Variants in MYH11 observed in about 807,000 individuals in gnomAD.
The protein encoded by MYH11 is myosin-11.
Under a neutral mutation model 246.6 loss-of-function variants are expected in MYH11, and 80 were observed. The observed-to-expected ratio is 0.32, with a 90% confidence interval of 0.27 to 0.39. MYH11 has a LOEUF of 0.39. Ranked by LOEUF, MYH11 falls within the 10% of genes least tolerant of loss-of-function variation. MYH11 has a pLI of 1.00. For missense variants in MYH11, 2,158 were observed against 2,546.8 expected (o/e 0.85, Z 3.29); for synonymous variants, 1,071 against 1,015.5 (o/e 1.05, Z -1.04).
At chr16:15,759,200 T>C (rs2041808192) in intron 12 of MYH11, among the ~76,000 whole-genome samples, 2 of 148,710 alleles carry the variant, frequency 1.3e-5, no homozygotes, top group Non-Finnish European at 1.5e-5. Context: ...TATGTGCTTT[T>C]TTTTTTTTTT....
At position 15,727,712 on chromosome 16, in the gene MYH11, A is replaced by G. The variant is rs573367762; in HGVS notation, c.3652-658T>C. On this transcript the variant is annotated intron_variant, in intron 27 of 40. Coordinates refer to ENST00000300036, the MANE Select transcript of MYH11 (RefSeq NM_002474.3). ...TTGAAGGCATGCCATGGCAGCTCAT[A>G]CTTGTCATCCCCAGCACTTTGGGAA... Among the ~76,000 whole-genome samples the G allele has an allele frequency of 2.6e-5, 4 of 152,286 alleles. No homozygotes were observed. The South Asian group carries it at 8.3e-4, about 32-fold the overall frequency.
chr16:15,753,317 G>T, intron 15 of MYH11, 77 bp downstream of exon 15: 2 of 1,290,324 alleles, frequency 1.5e-6, no homozygotes, highest in African/African-American at 1.5e-5. Flanking sequence ...CCTGGGGCAG[G>T]TGTGAGAGTC....
intron 31 of MYH11, among the ~76,000 whole-genome samples, chr16:15,723,660 A>G (rs757557829): frequency 4.6e-5 from 7 of 152,142 alleles, no homozygotes; most frequent in Non-Finnish European, 8.8e-5. Context: ...TAAGTATCTG[A>G]TAAAGTTCAT....
At chr16:15,714,621 G>A (rs1596694369) in intron 40 of MYH11, 2 of 555,558 alleles carry the variant, frequency 3.6e-6, no homozygotes, top group East Asian at 6.2e-5. Context: ...GGCTGGAGGA[G>A]ACAGTGGGGA....
At chr16:15,846,748 G>A (rs1158371289) in intron 1 of MYH11, among the ~76,000 whole-genome samples, 1 of 152,188 alleles carries the variant, frequency 6.6e-6, no homozygotes, top group Non-Finnish European at 1.5e-5. Context: ...GAGCCCAGGA[G>A]GCTGAGACCG....
rs114552152 is a variant in MYH11 at position 15,814,872 on chromosome 16, G to A, written c.502+8383C>T. Among the ~76,000 whole-genome samples, 1,078 of 152,190 alleles carry A rather than the reference G, an allele frequency of 7.1e-3. 17 individuals are homozygous for A. Among genetic ancestry groups the A allele is most frequent in the African/African-American group, 0.022 (896 of 41,542 alleles). ...GGTGAGGGTTAAACAGAGGGTCTCC[G>A]TCCTGGGGGGACACCAGGAACCATA... On this transcript the variant is annotated intron_variant, in intron 3 of 40. Transcript: ENST00000300036.
intron 23 of MYH11, among the ~76,000 whole-genome samples, chr16:15,739,635 C>T (rs765861971): frequency 2.6e-5 from 4 of 152,180 alleles, no homozygotes; most frequent in Non-Finnish European, 5.9e-5. Flanking sequence ...CGGTGACCAG[C>T]TTGTCCTGGT....
chr16:15,780,782 G>T (rs2042335129), intron 6 of MYH11, among the ~76,000 whole-genome samples: 1 of 151,930 alleles, frequency 6.6e-6, no homozygotes, highest in Non-Finnish European at 1.5e-5. Context: ...TCTGTGCCTG[G>T]TCTAGATTTT....
Position 15,740,113 on chromosome 16 carries a change from T to C in MYH11, c.2935A>G (p.Lys979Glu). 6.2e-7 allele frequency: 1 copy of C among 1,614,256 alleles called. No homozygotes were observed. Among genetic ancestry groups the C allele is most frequent in the Non-Finnish European group, 8.5e-7 (1 of 1,180,048 alleles). Residue 979 changes from lysine (K) to glutamate (E), a missense_variant, in exon 23 of 41, where the codon AAG (lysine) becomes GAG (glutamate). Physicochemically the swap from Lys to Glu is moderately conservative, Grantham distance 56. Coordinates refer to ENST00000300036, the MANE Select transcript of MYH11 (RefSeq NM_002474.3). ...LQLEKVTAEA[K>E]IKKLEDEILV... ...ATCTCATCCTCCAGTTTCTTGATCT[T>C]GGCCTCAGCCGTGACCTTCTCAAGT...
At chr16:15,823,210 A>G in intron 3 of MYH11, 45 bp downstream of exon 3, 1 of 1,612,374 alleles carries the variant, frequency 6.2e-7, no homozygotes. Flanking sequence ...GCAGGACAGG[A>G]GGGGCTCCCT....
At chr16:15,754,234 AAATT>A (rs1020141558) in intron 14 of MYH11, among the ~76,000 whole-genome samples, 6 of 152,166 alleles carry the variant, frequency 3.9e-5, no homozygotes, top group African/African-American at 1.2e-4. Context: ...TTAAATAAAT[AAATT>A]AATTAAGCAT....
At chr16:15,716,505 G>C (rs1004942695) in intron 38 of MYH11, among the ~76,000 whole-genome samples, 2 of 151,830 alleles carry the variant, frequency 1.3e-5, no homozygotes, top group African/African-American at 2.4e-5. Context: ...TTGGACTTTT[G>C]TTTTTTGGGG....
At chr16:15,786,578 G>A in intron 5 of MYH11, 52 bp downstream of exon 5, 4 of 1,523,868 alleles carry the variant, frequency 2.6e-6, no homozygotes, top group Admixed American at 3.3e-5. Flanking sequence ...TGGGCTGCAA[G>A]CTGGAGACCG....
intron 40 of MYH11, among the ~76,000 whole-genome samples, chr16:15,708,506 A>C (rs2039589829): frequency 6.6e-6 from 1 of 152,212 alleles, no homozygotes. Context: ...CAAGCTACAC[A>C]CACAGCCTCT....
At chr16:15,706,717 A>C (rs1393126141) in intron 40 of MYH11, among the ~76,000 whole-genome samples, 1 of 151,930 alleles carries the variant, frequency 6.6e-6, no homozygotes, top group Non-Finnish European at 1.5e-5. Flanking sequence ...AAAAAAAACA[A>C]AAAAAAATCT....
intron 15 of MYH11, among the ~76,000 whole-genome samples, chr16:15,752,161 G>C (rs2041590319): frequency 6.6e-6 from 1 of 152,048 alleles, no homozygotes. Flanking sequence ...CCGCAGAGGA[G>C]GGACTACAGG....
intron 3 of MYH11, among the ~76,000 whole-genome samples, 167 bp from the exon 4 acceptor site, chr16:15,798,854 C>T (rs914844396): frequency 6.6e-5 from 10 of 152,274 alleles, no homozygotes; most frequent in East Asian, 1.9e-4. Context: ...ACAGGGGCCA[C>T]GACCAAAGCC....
intron 2 of MYH11, among the ~76,000 whole-genome samples, chr16:15,836,387 T>G (rs1422987723): frequency 6.6e-6 from 1 of 152,168 alleles, no homozygotes; most frequent in Non-Finnish European, 1.5e-5. Flanking sequence ...TTTGTTATTT[T>G]TTATTGTCTT....
intron 4 of MYH11, chr16:15,792,190 C>T (rs1596846630): frequency 6.6e-6 from 1 of 152,340 alleles, no homozygotes; most frequent in Middle Eastern, 3.4e-3. Context: ...TCCTGAGTAG[C>T]TGGGATGACA....
Sources: allele counts gnomAD v4.1 joint callset (sites outside exome capture counted in the v4.1 genomes callset), GRCh38; gene constraint gnomAD v4.1.1; transcripts MANE v1.5; gene names NCBI Gene and HGNC (gene_info 2026-07-23, HGNC 2026-07-21).